Variants in DEFB121 observed in about 807,000 individuals in gnomAD.
DEFB121 encodes the protein defensin beta 121, also known as beta-defensin 121.
A neutral mutation model predicts 2.5 loss-of-function variants in DEFB121; 5 were observed. That is an observed-to-expected ratio of 1.96 (90% CI 1.03 to 4.13). The LOEUF (loss-of-function observed/expected upper bound fraction) is 4.13, where lower values mean the gene tolerates loss of function less well. Among genes scored for constraint, DEFB121 ranks in the 30% most tolerant of loss-of-function variants. The probability of loss-of-function intolerance (pLI) is 0.00; values close to 1 mark genes in which losing one functional copy is unlikely to be tolerated. For missense variants in DEFB121, 87 were observed against 85.0 expected (o/e 1.02, Z -0.09); for synonymous variants, 39 against 32.6 (o/e 1.20, Z -0.67).
At chr20:31,405,122 T>C (rs1254568986) in intron 1 of DEFB121, 37 bp from the exon 2 acceptor site, 13 of 1,567,780 alleles carry the variant, frequency 8.3e-6, no homozygotes, top group Non-Finnish European at 1.0e-5. Flanking sequence ...AGAGTCAGTT[T>C]TGAAAGAAAG....
chr20:31,411,256 C>G (rs1039080432), intron 1 of DEFB121, among the ~76,000 whole-genome samples: 1 of 152,154 alleles, frequency 6.6e-6, no homozygotes, highest in Non-Finnish European at 1.5e-5. Context: ...CTGGAGTGTC[C>G]ACCATTCTTA....
upstream of DEFB121, among the ~76,000 whole-genome samples, chr20:31,410,084 A>G (rs1414040030): frequency 6.6e-6 from 1 of 152,262 alleles, no homozygotes; most frequent in East Asian, 1.9e-4. Flanking sequence ...AATAGTTTTT[A>G]AAATAAGCAA....
At chr20:31,413,932 G>A (rs992506837), upstream of DEFB121, among the ~76,000 whole-genome samples, 4 of 152,246 alleles carry the variant, frequency 2.6e-5, no homozygotes, top group Non-Finnish European at 5.9e-5. Context: ...GATAGGCGGG[G>A]TAAGGTGGCT....
At chr20:31,411,150 T>A (rs908433903), upstream of DEFB121, among the ~76,000 whole-genome samples, 2 of 152,206 alleles carry the variant, frequency 1.3e-5, no homozygotes, top group African/African-American at 4.8e-5. Context: ...AAAGACCCTT[T>A]TCCTATCTGT....
At chr20:31,408,454 C>CA (rs201875157), upstream of DEFB121, among the ~76,000 whole-genome samples, 155 of 151,176 alleles carry the variant, frequency 1.0e-3, 2 homozygotes, top group East Asian at 0.024. Context: ...TCTCCAAAAA[C>CA]AAAAAAAAGA....
upstream of DEFB121, among the ~76,000 whole-genome samples, chr20:31,406,423 G>A (rs894904071): frequency 3.3e-5 from 5 of 152,040 alleles, no homozygotes; most frequent in African/African-American, 1.2e-4. Flanking sequence ...TAATACAGCT[G>A]GAGAACCAAG....
chr20:31,408,278 T>TAC (rs1242943751), upstream of DEFB121, among the ~76,000 whole-genome samples: 6 of 151,996 alleles, frequency 3.9e-5, no homozygotes, highest in Non-Finnish European at 4.4e-5. Flanking sequence ...ACTCCATCTC[T>TAC]ACACACACAC....
intron 1 of DEFB121, 119 bp downstream of exon 1, chr20:31,405,976 A>G (rs1373687391): frequency 4.6e-6 from 5 of 1,084,066 alleles, no homozygotes; most frequent in Non-Finnish European, 6.7e-6. Context: ...GAGACTACCT[A>G]AAGGCCTCAA....
upstream of DEFB121, among the ~76,000 whole-genome samples, chr20:31,416,423 A>G (rs1978808500): frequency 6.6e-6 from 1 of 152,190 alleles, no homozygotes; most frequent in African/African-American, 2.4e-5. Flanking sequence ...GTTTCATGTA[A>G]GTTTTTGGTT....
At chr20:31,411,856 T>C (rs1978674692) in intron 1 of DEFB121, among the ~76,000 whole-genome samples, 1 of 152,244 alleles carries the variant, frequency 6.6e-6, no homozygotes, top group Non-Finnish European at 1.5e-5. Flanking sequence ...TGGTCCTTAA[T>C]TCAACATCAT....
intron 1 of DEFB121, chr20:31,412,585 C>T (rs972784074): frequency 2.3e-6 from 3 of 1,286,698 alleles, no homozygotes; most frequent in African/African-American, 3.0e-5. Flanking sequence ...AAGCCTCTGA[C>T]AACTGGTAGT....
upstream of DEFB121, among the ~76,000 whole-genome samples, chr20:31,414,831 C>T (rs1827387242): frequency 6.6e-6 from 1 of 152,052 alleles, no homozygotes; most frequent in African/African-American, 2.4e-5. Context: ...CAGGAGGATC[C>T]CTTGAGCCCA....
At chr20:31,416,372 T>G (rs1209841952), upstream of DEFB121, among the ~76,000 whole-genome samples, 1 of 152,158 alleles carries the variant, frequency 6.6e-6, no homozygotes, top group Non-Finnish European at 1.5e-5. Context: ...TCTTCGCACT[T>G]TAAACTGAGC....
In DEFB121 at chr20:31,406,154, A is replaced by T. The variant is rs543130516; in HGVS notation, c.-2T>A. On this transcript the variant is annotated 5_prime_UTR_variant, in exon 1 of 2. Transcript: ENST00000376314. ...CAAAAGCAGAAGAAGGAGCTTCATG[A>T]ATGATGAATGATCAGGGAGGGATAG... The T allele has an allele frequency of 6.2e-6, 10 of 1,614,100 alleles. No homozygotes were observed. The South Asian group carries it at 9.9e-5, about 16-fold the overall frequency.
upstream of DEFB121, among the ~76,000 whole-genome samples, chr20:31,413,819 G>C (rs1395032128): frequency 6.6e-6 from 1 of 152,194 alleles, no homozygotes; most frequent in African/African-American, 2.4e-5. Context: ...GACAATTGTG[G>C]GCAAGGCTGT....
chr20:31,417,260 G>T (rs1978832409), upstream of DEFB121, among the ~76,000 whole-genome samples: 1 of 152,094 alleles, frequency 6.6e-6, no homozygotes, highest in African/African-American at 2.4e-5. Context: ...CAGAAGAATT[G>T]CTTGAACCTG....
rs533616675 is a variant in DEFB121 at position 31,411,292 on chromosome 20, A to C, written n.217+1330T>G. On this transcript the variant is annotated intron_variant and non_coding_transcript_variant, in intron 1 of 1. Coordinates refer to the DEFB121 transcript ENST00000376312. Reference sequence around the variant, plus strand: ...GATTCTGCTTAAGATTCCACATCTTAACTTCTACTGATATCCAACCATGTT... The same window carrying C: ...GATTCTGCTTAAGATTCCACATCTTCACTTCTACTGATATCCAACCATGTT... Among the ~76,000 whole-genome samples, 8 of 152,346 alleles carry C rather than the reference A, an allele frequency of 5.3e-5. No individual in the cohort carries two copies. In the South Asian group the frequency reaches 1.7e-3, roughly 32 times the overall value.
upstream of DEFB121, among the ~76,000 whole-genome samples, chr20:31,415,501 C>T (rs549455806): frequency 2.0e-4 from 31 of 152,194 alleles, no homozygotes; most frequent in African/African-American, 6.5e-4. Flanking sequence ...CCGCTAGCCT[C>T]GGCCTCCCAA....
At chr20:31,414,777 G>A (rs982897264), upstream of DEFB121, among the ~76,000 whole-genome samples, 4 of 152,218 alleles carry the variant, frequency 2.6e-5, no homozygotes, top group Admixed American at 1.3e-4. Flanking sequence ...GAGGCCAGGC[G>A]CAGTAGCTCA....
Sources: gnomAD v4.1 joint callset for allele counts (sites outside exome capture counted in the v4.1 genomes callset) on GRCh38, gnomAD v4.1.1 for gene constraint, MANE v1.5 for transcripts, NCBI Gene and HGNC (gene_info 2026-07-23, HGNC 2026-07-21) for gene names.